TYW1: variants seen among roughly 807,000 people sequenced by gnomAD.
TYW1 encodes tRNA-yW synthesizing protein 1 homolog.
In TYW1, 46 loss-of-function variants were observed where a neutral mutation model predicts 96.2. That is an observed-to-expected ratio of 0.48 (90% confidence interval 0.38 to 0.61). The LOEUF (loss-of-function observed/expected upper bound fraction) is 0.61. Ranked by LOEUF, TYW1 falls within the 20% of genes least tolerant of loss-of-function variation. The probability of loss-of-function intolerance (pLI) is 0.00; values close to 1 mark genes in which losing one functional copy is unlikely to be tolerated. For synonymous variants in TYW1, 274 were observed against 323.0 expected (o/e 0.85, Z 1.63); for missense variants, 684 against 909.6 (o/e 0.75, Z 3.19).
rs187391273 is a variant in TYW1 at position 67,045,150 on chromosome 7, C to T, written c.985-4799C>T. Reference sequence around the variant, plus strand: ...TTATCCTAGGCAAAATTGGGTGGTACTGTGGTTTCTGGGATGATGGTATCA... The same window carrying T: ...TTATCCTAGGCAAAATTGGGTGGTATTGTGGTTTCTGGGATGATGGTATCA... On this transcript the variant is annotated intron_variant, in intron 7 of 15. Transcript: ENST00000359626. Among the ~76,000 whole-genome samples the T allele has an allele frequency of 3.1e-3, 464 of 152,046 alleles. 3 individuals are homozygous for T. The highest frequency in any genetic ancestry group is 5.2e-3 in the Admixed American group (79 of 15,236).
At chr7:67,148,069 C>A (rs1798662937) in intron 13 of TYW1, among the ~76,000 whole-genome samples, 1 of 151,466 alleles carries the variant, frequency 6.6e-6, no homozygotes, top group South Asian at 2.1e-4. Flanking sequence ...AGAAAGAGAA[C>A]AGATGGTCAT....
chr7:67,105,773 C>T (rs1797219578), intron 12 of TYW1, among the ~76,000 whole-genome samples: 1 of 151,670 alleles, frequency 6.6e-6, no homozygotes, highest in Non-Finnish European at 1.5e-5. Flanking sequence ...CACATAGTCC[C>T]AGAAAAATGG....
chr7:67,184,638 TTTTATTTTATTTATG>T (rs1179724530), intron 14 of TYW1, among the ~76,000 whole-genome samples: 1,900 of 49,994 alleles, frequency 0.038, 25 homozygotes, highest in Admixed American at 0.066. Context: ...TTTTATTTTA[TTTTATTTTATTTATG>T]TTATGTTATG....
chr7:67,035,026 T>C (rs1356798077), intron 7 of TYW1, among the ~76,000 whole-genome samples: 1 of 152,218 alleles, frequency 6.6e-6, no homozygotes, highest in African/African-American at 2.4e-5. Context: ...TGTGTTAATT[T>C]GCATTTTTAA....
chr7:67,128,815 A>G (rs1364165841), intron 13 of TYW1, among the ~76,000 whole-genome samples: 2 of 151,674 alleles, frequency 1.3e-5, no homozygotes, highest in East Asian at 3.9e-4. Flanking sequence ...CAGCCTTCCA[A>G]GTAGCTAGGA....
intron 15 of TYW1, among the ~76,000 whole-genome samples, chr7:67,229,538 C>CA (rs56827871): frequency 9.6e-4 from 134 of 139,012 alleles, no homozygotes; most frequent in Admixed American, 9.9e-4. Context: ...GACTCCATCT[C>CA]AAAAAAAAAA....
intron 15 of TYW1, among the ~76,000 whole-genome samples, chr7:67,198,973 A>G (rs1384836344): frequency 6.6e-6 from 1 of 152,062 alleles, no homozygotes; most frequent in Admixed American, 6.6e-5. Context: ...AGGCAGGTGG[A>G]TCCCTTGACC....
chr7:67,036,764 A>G (rs996853558), intron 7 of TYW1, among the ~76,000 whole-genome samples: 25 of 152,278 alleles, frequency 1.6e-4, no homozygotes, highest in African/African-American at 5.1e-4. Context: ...TTCAGCGGAA[A>G]AGGAAGACAT....
At chr7:67,001,423 T>C (rs1265825099) in intron 3 of TYW1, among the ~76,000 whole-genome samples, 1 of 151,058 alleles carries the variant, frequency 6.6e-6, no homozygotes, top group Non-Finnish European at 1.5e-5. Context: ...TATTTATTTT[T>C]TATTTATTTA....
chr7:67,116,423 C>T (rs929961868), intron 12 of TYW1, among the ~76,000 whole-genome samples: 69 of 151,946 alleles, frequency 4.5e-4, no homozygotes, highest in African/African-American at 1.6e-3. Flanking sequence ...CAGTGGCTCA[C>T]GCCTCTAATT....
intron 8 of TYW1, among the ~76,000 whole-genome samples, chr7:67,054,723 T>C (rs1795456841): frequency 6.6e-6 from 1 of 152,204 alleles, no homozygotes; most frequent in Non-Finnish European, 1.5e-5. Flanking sequence ...AGAGTCTTTT[T>C]GTGAGAGCGA....
chr7:67,072,307 G>C (rs1815056), intron 10 of TYW1, among the ~76,000 whole-genome samples: 12 of 150,280 alleles, frequency 8.0e-5, no homozygotes, highest in South Asian at 4.2e-4. Flanking sequence ...AGTGCAATGG[G>C]ATGATCTTGG....
At chr7:67,048,563 GAGA>G (rs919778361) in intron 7 of TYW1, among the ~76,000 whole-genome samples, 1 of 152,074 alleles carries the variant, frequency 6.6e-6, no homozygotes, top group Non-Finnish European at 1.5e-5. Flanking sequence ...CTTTTAAAAA[GAGA>G]AGAAGAAATC....
chr7:67,121,136 C>A (rs1797746959), intron 13 of TYW1, among the ~76,000 whole-genome samples: 1 of 81,248 alleles, frequency 1.2e-5, no homozygotes. Flanking sequence ...AATGTCTGAT[C>A]TTATAAGACA....
chr7:67,205,460 C>T (rs571967439), intron 15 of TYW1, among the ~76,000 whole-genome samples: 1 of 149,738 alleles, frequency 6.7e-6, no homozygotes, highest in African/African-American at 2.4e-5. Context: ...TGACACCACT[C>T]AAGTGTATGG....
intron 13 of TYW1, among the ~76,000 whole-genome samples, chr7:67,150,032 T>G (rs1798748846): frequency 6.6e-6 from 1 of 151,488 alleles, no homozygotes; most frequent in Non-Finnish European, 1.5e-5. Context: ...TTTGCCTTTA[T>G]GTTCTTTGAA....
At chr7:67,196,143 G>T (rs1800385990) in intron 15 of TYW1, among the ~76,000 whole-genome samples, 1 of 151,490 alleles carries the variant, frequency 6.6e-6, no homozygotes. Context: ...TCATCTTCCA[G>T]TTCACTAAGT....
At chr7:67,080,940 GTTTTTTTTTTTTT>G (rs71049495) in intron 10 of TYW1, among the ~76,000 whole-genome samples, 10 of 37,252 alleles carry the variant, frequency 2.7e-4, no homozygotes, top group Admixed American at 1.9e-3. Context: ...CTTTCTTACT[GTTTTTTTTTTTTT>G]TTTTTTTTTT....
chr7:67,161,660 C>T (rs1382734797), intron 13 of TYW1, among the ~76,000 whole-genome samples: 2 of 152,036 alleles, frequency 1.3e-5, no homozygotes, highest in Non-Finnish European at 2.9e-5. Flanking sequence ...ACTTATTTGA[C>T]CATGTGTCCA....
Sources: gnomAD v4.1 joint callset for allele counts (sites outside exome capture counted in the v4.1 genomes callset) on GRCh38, gnomAD v4.1.1 for gene constraint, MANE v1.5 for transcripts, NCBI Gene and HGNC (gene_info 2026-07-23, HGNC 2026-07-21) for gene names.